Variants in OR2V2 observed in about 807,000 individuals in gnomAD.
OR2V2 encodes the protein olfactory receptor family 2 subfamily V member 2.
For missense variants in OR2V2, 392 were observed against 392.2 expected (o/e 1.00, Z 0.00); for synonymous variants, 161 against 151.3 (o/e 1.06, Z -0.47).
chr5:181,154,060 G>T (rs115807461), intron 1 of OR2V2, among the ~76,000 whole-genome samples: 3 of 152,084 alleles, frequency 2.0e-5, no homozygotes, highest in African/African-American at 7.2e-5. Flanking sequence ...ACCGTCCATC[G>T]CAACTCTTCC....
rs1476978679 is a variant in OR2V2, at chr5:181,156,148, C to A, written c.*258C>A. Reference sequence around the variant, plus strand: ...TTTCTTTCAGTTCTTACTCTGTCACCCAGGCTAGAGTGCAGTGACACAATC... The same window carrying A: ...TTTCTTTCAGTTCTTACTCTGTCACACAGGCTAGAGTGCAGTGACACAATC... On this transcript the variant is annotated 3_prime_UTR_variant, in exon 2 of 2. Transcript: ENST00000641492. 1.2e-5 allele frequency: 5 copies of A among 426,300 alleles called. No homozygotes were observed. The Admixed American group carries it at 1.7e-4, about 14-fold the overall frequency. The allele number at this position is 426,300 out of a possible 1,614,324, so 26.4% of individuals were successfully genotyped here.
At chr5:181,151,295 T>C (rs895578996) in intron 1 of OR2V2, among the ~76,000 whole-genome samples, 1 of 152,016 alleles carries the variant, frequency 6.6e-6, no homozygotes, top group African/African-American at 2.4e-5. Flanking sequence ...AGTGGGGGGA[T>C]CCTGGAAGGG....
In OR2V2 at chr5:181,155,336, C is replaced by G; in HGVS notation, c.394C>G (p.His132Asp). 6.2e-7 allele frequency: 1 copy of G among 1,614,200 alleles called. No homozygotes were observed. The highest frequency in any genetic ancestry group is 8.5e-7 in the Non-Finnish European group (1 of 1,180,020). Reference sequence around the variant, plus strand: ...CTATGTGGCCATTAGCCACCCACTTCACTATCCCATCCTCATGAATCAGAG... The same window carrying G: ...CTATGTGGCCATTAGCCACCCACTTGACTATCCCATCCTCATGAATCAGAG... ...DRYVAISHPL[H>D]YPILMNQRVC... The change falls in exon 2 of 2, where the codon CAC becomes GAC. Residue 132 changes from histidine to aspartate, a missense_variant. Coordinates refer to ENST00000641492, the MANE Select transcript of OR2V2 (RefSeq NM_206880.2).
intron 1 of OR2V2, among the ~76,000 whole-genome samples, chr5:181,149,012 G>A (rs1000052187): frequency 1.3e-5 from 2 of 152,266 alleles, no homozygotes; most frequent in African/African-American, 4.8e-5. Context: ...AGGTCTGGGT[G>A]ATGACGGATG....
Position 181,154,920 on chromosome 5 carries a change from T to C in OR2V2, c.-23T>C. On this transcript the variant is annotated splice_region_variant and 5_prime_UTR_variant, in exon 2 of 2. Transcript: ENST00000641492. ...AACACATCTTGTCCATATTCTCAGG[T>C]GACCAGGAGCAACAACCGAGCCATG... 1.3e-6 allele frequency: 2 copies of C among 1,523,034 alleles called. No homozygotes were observed. The highest frequency in any genetic ancestry group is 2.7e-5 in the African/African-American group (2 of 73,100). 94.3% of individuals were successfully genotyped at this position (1,523,034 alleles called of 1,614,324 possible).
chr5:181,158,743 C>T lies in OR2V2; in HGVS notation c.*2853C>T, dbSNP rs1340795446. On this transcript the variant is annotated 3_prime_UTR_variant, in exon 2 of 2. Transcript: ENST00000641492. ...GGGACATGGGAGTTTTTGTTACTTG[C>T]TTCACTTTTGTGTATGCCTGACATT... The T allele has an allele frequency of 6.6e-6, 1 of 152,060 alleles. No homozygotes were observed. The highest frequency in any genetic ancestry group is 2.4e-5 in the African/African-American group (1 of 41,424). The allele number at this position is 152,060 out of a possible 1,614,324, so 9.4% of individuals were successfully genotyped here.
rs1369228085 is a variant in OR2V2, at chr5:181,158,886, G to A, written c.*2996G>A. 2 of 151,990 alleles carry A rather than the reference G, an allele frequency of 1.3e-5. No homozygotes were observed. The highest frequency in any genetic ancestry group is 4.8e-5 in the African/African-American group (2 of 41,366). The allele number at this position is 151,990 out of a possible 1,614,324, so 9.4% of individuals were successfully genotyped here. ...TATTGGGTGATTTTGGGGCATAGAT[G>A]TGACAAATCTTCATTGCAATCAGTT... On this transcript the variant is annotated 3_prime_UTR_variant, in exon 2 of 2. Coordinates refer to ENST00000641492, the MANE Select transcript of OR2V2 (RefSeq NM_206880.2).
At position 181,156,034 on chromosome 5, in the gene OR2V2, C is replaced by T. The variant is rs1001491414; in HGVS notation, c.*144C>T. 24 of 613,530 alleles carry T rather than the reference C, an allele frequency of 3.9e-5. No homozygotes were observed. In the South Asian group the frequency reaches 6.9e-4, roughly 18 times the overall value. 38.0% of individuals were successfully genotyped at this position (613,530 alleles called of 1,614,324 possible). On this transcript the variant is annotated 3_prime_UTR_variant, in exon 2 of 2. Transcript: ENST00000641492. ...ACTTGGAAGGTCTTTTTAAACACTA[C>T]ATCAGTTCTTTCTTTCTTTCTTTCT...
rs529776502 is a variant in OR2V2, at chr5:181,147,830, G to A, written c.-190G>A. 153 of 394,112 alleles carry A rather than the reference G, an allele frequency of 3.9e-4. No homozygotes were observed. In the East Asian group the frequency reaches 4.7e-3, roughly 12 times the overall value. The allele number at this position is 394,112 out of a possible 1,614,324, so 24.4% of individuals were successfully genotyped here. ...GAGGGTGCCGTGGGCTCCACAGCCC[G>A]ATGAGTAGTCGGTGCGGGCTGAGGA... On this transcript the variant is annotated 5_prime_UTR_variant, in exon 1 of 2. Coordinates refer to ENST00000641492, the MANE Select transcript of OR2V2 (RefSeq NM_206880.2).
chr5:181,148,461 G>A (rs114503721), intron 1 of OR2V2, among the ~76,000 whole-genome samples: 2,655 of 152,330 alleles, frequency 0.017, 34 homozygotes, highest in Middle Eastern at 0.034. Flanking sequence ...AGGAAAAAAA[G>A]TAAAGCCATT....
rs958729731 is a variant in OR2V2 at position 181,156,669 on chromosome 5, C to G, written c.*779C>G. ...TCTGTGGGAGACTTCGCTCTGTGAT[C>G]TATGTGTAGACGTAGATCCCACCTG... On this transcript the variant is annotated 3_prime_UTR_variant, in exon 2 of 2. Coordinates refer to ENST00000641492, the MANE Select transcript of OR2V2 (RefSeq NM_206880.2). 2.0e-5 allele frequency: 3 copies of G among 152,234 alleles called. No individual in the cohort carries two copies. In the South Asian group the frequency reaches 6.2e-4, roughly 32 times the overall value. 9.4% of individuals were successfully genotyped at this position (152,234 alleles called of 1,614,324 possible). A position where few individuals can be genotyped will look rare whatever the true frequency, so the allele number is the denominator to read the frequency against.
intron 1 of OR2V2, 80 bp from the exon 2 acceptor site, chr5:181,154,839 A>G: frequency 2.4e-6 from 2 of 819,442 alleles, no homozygotes; most frequent in East Asian, 4.9e-5. Context: ...GTTGCACACA[A>G]CACAGCTGAC....
At chr5:181,154,537 C>T (rs1763231717) in intron 1 of OR2V2, among the ~76,000 whole-genome samples, 1 of 148,318 alleles carries the variant, frequency 6.7e-6, no homozygotes, top group South Asian at 2.1e-4. Context: ...TTGCAGTGAG[C>T]AGAGATCTCG....
At chr5:181,150,087 T>C (rs1056594053) in intron 1 of OR2V2, among the ~76,000 whole-genome samples, 3 of 152,218 alleles carry the variant, frequency 2.0e-5, no homozygotes, top group African/African-American at 7.2e-5. Context: ...GTTTGAAGAC[T>C]GTGAGAACAG....
rs1156743127 is a variant in OR2V2 at position 181,158,375 on chromosome 5, A to G, written c.*2485A>G. The G allele has an allele frequency of 2.0e-5, 3 of 152,010 alleles. No individual in the cohort carries two copies. The highest frequency in any genetic ancestry group is 7.3e-5 in the African/African-American group (3 of 41,320). 9.4% of individuals were successfully genotyped at this position (152,010 alleles called of 1,614,324 possible). A position where few individuals can be genotyped will look rare whatever the true frequency, so the allele number is the denominator to read the frequency against. ...GTGCGGTGGCTCACATCTGTAATCCAAGCACTTTGGGAGGCCAAGGCCAAG... is the reference window on the plus strand; with the variant it reads ...GTGCGGTGGCTCACATCTGTAATCCGAGCACTTTGGGAGGCCAAGGCCAAG... On this transcript the variant is annotated 3_prime_UTR_variant, in exon 2 of 2. Coordinates refer to ENST00000641492, the MANE Select transcript of OR2V2 (RefSeq NM_206880.2).
intron 1 of OR2V2, among the ~76,000 whole-genome samples, chr5:181,154,250 G>A (rs539767579): frequency 2.0e-5 from 3 of 151,982 alleles, no homozygotes; most frequent in Admixed American, 6.5e-5. Context: ...AAATGGTCCC[G>A]GCCCCGTTAA....
intron 1 of OR2V2, among the ~76,000 whole-genome samples, chr5:181,152,411 A>G (rs1359568138): frequency 2.0e-5 from 3 of 152,194 alleles, no homozygotes; most frequent in Non-Finnish European, 4.4e-5. Flanking sequence ...GGCTCACCAA[A>G]CAGCCTTCTT....
Position 181,155,309 on chromosome 5 carries a change from C to G in OR2V2, c.367C>G (p.Arg123Gly). 3.1e-6 allele frequency: 5 copies of G among 1,614,120 alleles called. No homozygotes were observed. Among genetic ancestry groups the G allele is most frequent in the Non-Finnish European group, 4.2e-6 (5 of 1,180,020 alleles). The change falls in exon 2 of 2, where the codon CGC becomes GGC. Residue 123 changes from arginine (R) to glycine (G), a missense_variant. Transcript: ENST00000641492. ...GLLLGLMAYD[R>G]YVAISHPLHY... The stretch of plus-strand genomic sequence containing the variant: ...CTTGCTGGGACTCATGGCTTATGAC[C>G]GCTATGTGGCCATTAGCCACCCACT...
chr5:181,148,640 C>A (rs976827249), intron 1 of OR2V2, among the ~76,000 whole-genome samples: 1 of 152,084 alleles, frequency 6.6e-6, no homozygotes, highest in Non-Finnish European at 1.5e-5. Flanking sequence ...GGGATCCCCC[C>A]ACGAGCACCA....
Sources: gnomAD v4.1 joint callset for allele counts (sites outside exome capture counted in the v4.1 genomes callset) on GRCh38, gnomAD v4.1.1 for gene constraint, MANE v1.5 for transcripts, NCBI Gene and HGNC (gene_info 2026-07-23, HGNC 2026-07-21) for gene names.